Variants in CLSTN2 observed in about 807,000 individuals in gnomAD.
CLSTN2 encodes calsyntenin-2.
CLSTN2 carries 48 observed loss-of-function variants against 101.2 expected under a neutral mutation model. The observed-to-expected ratio is 0.47, with a 90% CI of 0.38 to 0.60. The LOEUF (loss-of-function observed/expected upper bound fraction) is 0.60. CLSTN2 is among the 20% of genes least tolerant of loss of function. The probability of loss-of-function intolerance (pLI) is 0.00; values close to 1 mark genes in which losing one functional copy is unlikely to be tolerated. For missense variants in CLSTN2, 1,160 were observed against 1,238.2 expected (o/e 0.94, Z 0.95); for synonymous variants, 481 against 463.6 (o/e 1.04, Z -0.48).
At chr3:140,522,471 G>A (rs1449223059) in intron 8 of CLSTN2, among the ~76,000 whole-genome samples, 1 of 152,226 alleles carries the variant, frequency 6.6e-6, no homozygotes, top group Non-Finnish European at 1.5e-5. Flanking sequence ...AAATGAAGGT[G>A]ACCCTTCAAA....
intron 8 of CLSTN2, among the ~76,000 whole-genome samples, chr3:140,504,580 G>A (rs761071909): frequency 2.0e-5 from 3 of 152,166 alleles, no homozygotes; most frequent in Non-Finnish European, 4.4e-5. Context: ...CCTGAACAGT[G>A]CAGGTTGGAT....
At chr3:140,321,201 G>A (rs189385528) in intron 2 of CLSTN2, among the ~76,000 whole-genome samples, 34 of 152,250 alleles carry the variant, frequency 2.2e-4, no homozygotes, top group African/African-American at 7.7e-4. Context: ...AGGAAAAGGG[G>A]CTTTGGAGCC....
intron 2 of CLSTN2, among the ~76,000 whole-genome samples, chr3:140,363,368 G>T (rs79938504): frequency 0.016 from 2,414 of 152,132 alleles, 62 homozygotes; most frequent in African/African-American, 0.055. Flanking sequence ...TAGGCACAAG[G>T]GATCTTTTGC....
chr3:140,274,533 C>G (rs1469012118), intron 2 of CLSTN2, among the ~76,000 whole-genome samples: 1 of 152,204 alleles, frequency 6.6e-6, no homozygotes, highest in East Asian at 1.9e-4. Flanking sequence ...TTCACCTGCT[C>G]TGAAAATCCT....
intron 2 of CLSTN2, among the ~76,000 whole-genome samples, chr3:140,196,880 C>G (rs16850035): frequency 6.6e-6 from 1 of 152,268 alleles, no homozygotes; most frequent in Non-Finnish European, 1.5e-5. Context: ...TGCACCTAGG[C>G]CTTTTCTGTC....
chr3:140,560,634 C>A (rs540994261), intron 12 of CLSTN2, among the ~76,000 whole-genome samples: 48 of 152,286 alleles, frequency 3.2e-4, no homozygotes, highest in African/African-American at 1.1e-3. Context: ...GTCCCTGAAC[C>A]CAGCACGCTC....
At chr3:140,245,526 A>G (rs2086508262) in intron 2 of CLSTN2, among the ~76,000 whole-genome samples, 1 of 152,198 alleles carries the variant, frequency 6.6e-6, no homozygotes, top group Non-Finnish European at 1.5e-5. Context: ...CTTAACCTAG[A>G]TGATGACTAA....
chr3:140,222,053 A>G (rs953945621), intron 2 of CLSTN2, among the ~76,000 whole-genome samples: 9 of 152,056 alleles, frequency 5.9e-5, no homozygotes, highest in Admixed American at 1.3e-4. Flanking sequence ...AATAGCCAAG[A>G]TTTGGAAGCA....
chr3:139,992,173 T>A (rs1215201455), intron 1 of CLSTN2, among the ~76,000 whole-genome samples: 1 of 152,092 alleles, frequency 6.6e-6, no homozygotes, highest in African/African-American at 2.4e-5. Context: ...AACAGATGGA[T>A]GAGTGTGGAG....
chr3:140,448,396 C>T lies in CLSTN2; in HGVS notation c.788-123C>T, dbSNP rs1027844570. ...ACTGCCATTATTCTCAAACTGTTCC[C>T]TAATATCTAATATATGTGTTGGGGC... On this transcript the variant is annotated intron_variant, in intron 5 of 16. Transcript: ENST00000458420. 6.4e-5 allele frequency: 50 copies of T among 777,882 alleles called. No individual in the cohort carries two copies. The African/African-American group carries it at 7.3e-4, about 11-fold the overall frequency. The allele number at this position is 777,882 out of a possible 1,614,324, so 48.2% of individuals were successfully genotyped here. A position where few individuals can be genotyped will look rare whatever the true frequency, so the allele number is the denominator to read the frequency against.
chr3:140,336,421 G>A (rs1018475708), intron 2 of CLSTN2, among the ~76,000 whole-genome samples: 2 of 152,182 alleles, frequency 1.3e-5, no homozygotes, highest in Admixed American at 1.3e-4. Flanking sequence ...GCTGGACTAT[G>A]GTTAAGGAGG....
chr3:140,264,846 T>C (rs543446217), intron 2 of CLSTN2, among the ~76,000 whole-genome samples: 48 of 152,214 alleles, frequency 3.2e-4, no homozygotes, highest in African/African-American at 1.1e-3. Context: ...GTGGGGTAGA[T>C]CTAAGAGTAC....
At position 140,292,239 on chromosome 3, in the gene CLSTN2, A is replaced by G. The variant is rs139422038; in HGVS notation, c.233-111390A>G. Among the ~76,000 whole-genome samples, 883 of 152,214 alleles carry G rather than the reference A, an allele frequency of 5.8e-3. 10 individuals carry two copies. The highest frequency in any genetic ancestry group is 7.5e-3 in the Non-Finnish European group (508 of 68,010). On this transcript the variant is annotated intron_variant, in intron 2 of 16. Transcript: ENST00000458420. ...TTCCTCCAACAGGCTGGATCCTTGC[A>G]TGTGCTGCTCCTCCTCCTGGGAGCT...
intron 1 of CLSTN2, among the ~76,000 whole-genome samples, chr3:140,072,760 G>C (rs1214274470): frequency 1.3e-5 from 2 of 152,156 alleles, no homozygotes; most frequent in African/African-American, 4.8e-5. Context: ...TGAAGATAAG[G>C]GTAGCATTGT....
At chr3:140,091,408 C>T (rs2008777930) in intron 1 of CLSTN2, among the ~76,000 whole-genome samples, 1 of 152,202 alleles carries the variant, frequency 6.6e-6, no homozygotes, top group Non-Finnish European at 1.5e-5. Context: ...CCACTGCTTT[C>T]AGGGAGCCGT....
intron 1 of CLSTN2, among the ~76,000 whole-genome samples, chr3:140,115,692 T>A (rs1215201889): frequency 6.6e-6 from 1 of 152,218 alleles, no homozygotes; most frequent in South Asian, 2.1e-4. Flanking sequence ...ACCAAAGCCA[T>A]GTCCTCTTCA....
intron 1 of CLSTN2, among the ~76,000 whole-genome samples, chr3:140,101,094 AC>A (rs2008958317): frequency 6.6e-6 from 1 of 152,200 alleles, no homozygotes; most frequent in African/African-American, 2.4e-5. Flanking sequence ...ACTATTGGTT[AC>A]ATGTCCTTTA....
intron 1 of CLSTN2, among the ~76,000 whole-genome samples, chr3:140,140,803 T>C (rs1334564126): frequency 2.6e-5 from 4 of 152,212 alleles, no homozygotes; most frequent in Admixed American, 6.5e-5. Flanking sequence ...CTCTAAAATC[T>C]TCCCCTTTCT....
intron 7 of CLSTN2, among the ~76,000 whole-genome samples, chr3:140,465,180 A>G (rs1475509035): frequency 1.3e-5 from 2 of 152,220 alleles, no homozygotes; most frequent in Non-Finnish European, 2.9e-5. Flanking sequence ...ATCCAGAGCT[A>G]TGAAGGCTCA....
Sources: gnomAD v4.1 joint callset for allele counts (sites outside exome capture counted in the v4.1 genomes callset) on GRCh38, gnomAD v4.1.1 for gene constraint, MANE v1.5 for transcripts, NCBI Gene and HGNC (gene_info 2026-07-23, HGNC 2026-07-21) for gene names.